The following TMEM266 variants were observed in gnomAD, a reference collection of about 807,000 sequenced individuals.
TMEM266 encodes Hv1 related protein 1.
In TMEM266, 33 loss-of-function variants were observed where a neutral mutation model predicts 50.5. The observed-to-expected ratio is 0.65, with a 90% confidence interval of 0.50 to 0.87. The LOEUF (loss-of-function observed/expected upper bound fraction) is 0.87. TMEM266 is among the 40% of genes least tolerant of loss of function. TMEM266 has a pLI of 0.00. For synonymous variants in TMEM266, 310 were observed against 292.3 expected (o/e 1.06, Z -0.62); for missense variants, 655 against 695.1 (o/e 0.94, Z 0.65).
chr15:76,075,527 G>A (rs1019691604), intron 1 of TMEM266, among the ~76,000 whole-genome samples: 1 of 152,136 alleles, frequency 6.6e-6, no homozygotes, highest in African/African-American at 2.4e-5. Context: ...ACCAGGGTCT[G>A]TGTCAACTTA....
rs538944843 is a variant in TMEM266 at position 76,118,381 on chromosome 15, G to A, written c.-96-15787G>A. ...GTTTGAGACCAGCCTGTCCAACATG[G>A]TAAAACCCCGTCTCTACTAAAAACA... On this transcript the variant is annotated intron_variant, in intron 1 of 10. Transcript: ENST00000388942. Among the ~76,000 whole-genome samples the A allele has an allele frequency of 5.9e-5, 9 of 152,286 alleles. No homozygotes were observed. The South Asian group carries it at 1.5e-3, about 25-fold the overall frequency.
At chr15:76,183,449 C>T (rs1273603677) in intron 8 of TMEM266, among the ~76,000 whole-genome samples, 5 of 152,122 alleles carry the variant, frequency 3.3e-5, no homozygotes, top group Non-Finnish European at 7.4e-5. Flanking sequence ...GGAGTCTTCT[C>T]CAGTCAGTGG....
Position 76,134,274 on chromosome 15 carries a change from C to T in TMEM266, c.11C>T (p.Ala4Val). Residue 4 changes from alanine to valine, a missense_variant, in exon 2 of 11, where the codon GCT (alanine) becomes GTT (valine). This residue lies in a region of TMEM266 where 99 missense variants were observed against 110.8 expected (regional missense o/e 0.89). Transcript: ENST00000388942. The stretch of plus-strand genomic sequence containing the variant: ...ACACCAAGAAAACCCATGGCTGTGG[C>T]TCCATCTTTCAACATGACCAATCCA... 2 of 1,614,102 alleles carry T rather than the reference C, an allele frequency of 1.2e-6. No individual in the cohort carries two copies. Among genetic ancestry groups the T allele is most frequent in the African/African-American group, 2.7e-5 (2 of 75,034 alleles).
intron 8 of TMEM266, among the ~76,000 whole-genome samples, chr15:76,188,372 A>C (rs2038519401): frequency 6.6e-6 from 1 of 152,178 alleles, no homozygotes; most frequent in African/African-American, 2.4e-5. Flanking sequence ...CATCAGATTG[A>C]GGCAGGCAGA....
chr15:76,108,166 C>T (rs1468114434), intron 1 of TMEM266, among the ~76,000 whole-genome samples: 2 of 152,244 alleles, frequency 1.3e-5, no homozygotes, highest in African/African-American at 4.8e-5. Flanking sequence ...GTCGTGACAA[C>T]TTGAGCCATT....
Position 76,191,990 on chromosome 15 carries a change from CGCACCTGGCGCA to C in TMEM266, c.795_806del (p.His265_Gln268del), listed in dbSNP as rs779430237. On this transcript the variant is annotated inframe_deletion, in exon 9 of 11. Coordinates refer to ENST00000388942, the MANE Select transcript of TMEM266 (RefSeq NM_152335.3). ...CAGTTTGAGATCCGGCAGCTGCGCG[CGCACCTGGCGCA>C]GCAGGACCTGGACCTGGCTGCCGAG... is the stretch of plus-strand genomic sequence containing the variant. 6.3e-7 allele frequency: 1 copy of C among 1,583,332 alleles called. No individual in the cohort carries two copies. The highest frequency in any genetic ancestry group is 8.5e-7 in the Non-Finnish European group (1 of 1,169,602).
intron 1 of TMEM266, among the ~76,000 whole-genome samples, chr15:76,127,027 A>G (rs2037434385): frequency 6.6e-6 from 1 of 152,150 alleles, no homozygotes. Context: ...ATGGTTAATA[A>G]TAACCACCAT....
At chr15:76,069,794 G>C (rs2036507939) in intron 1 of TMEM266, among the ~76,000 whole-genome samples, 1 of 151,836 alleles carries the variant, frequency 6.6e-6, no homozygotes, top group Admixed American at 6.6e-5. Flanking sequence ...CTCCAGCCTG[G>C]GCAGCCGAGT....
chr15:76,158,278 G>C (rs895648959), intron 4 of TMEM266, among the ~76,000 whole-genome samples: 1 of 152,138 alleles, frequency 6.6e-6, no homozygotes, highest in South Asian at 2.1e-4. Flanking sequence ...AGCCTAGTTG[G>C]GTTTTATGCA....
At chr15:76,154,501 G>A (rs767051768) in intron 3 of TMEM266, among the ~76,000 whole-genome samples, 23 of 152,040 alleles carry the variant, frequency 1.5e-4, no homozygotes, top group Non-Finnish European at 3.2e-4. Flanking sequence ...TTCTCCTCCT[G>A]TTTTCTGCTT....
intron 1 of TMEM266, among the ~76,000 whole-genome samples, chr15:76,084,026 G>C (rs1324804922): frequency 6.6e-6 from 1 of 152,184 alleles, no homozygotes; most frequent in Non-Finnish European, 1.5e-5. Context: ...AAGATGAGCA[G>C]CCGGGCGTGT....
At position 76,168,922 on chromosome 15, in the gene TMEM266, T is replaced by G. The variant is rs28647796; in HGVS notation, c.457-894T>G. Among the ~76,000 whole-genome samples, 3,774 of 152,336 alleles carry G rather than the reference T, an allele frequency of 0.025. 158 individuals carry two copies. The highest frequency in any genetic ancestry group is 0.087 in the African/African-American group (3,599 of 41,572). On this transcript the variant is annotated intron_variant, in intron 5 of 10. Coordinates refer to ENST00000388942, the MANE Select transcript of TMEM266 (RefSeq NM_152335.3). This position sits in a 1 kb window ranked among gnomAD's most constrained non-coding sequence, Gnocchi z 4.4. The stretch of plus-strand genomic sequence containing the variant: ...ACAGGAAGGGGAAAGCCCTGCTGGC[T>G]TAGGCACAGGCCAAGCTGCTGTTAC...
At chr15:76,064,017 G>A (rs1445905742) in intron 1 of TMEM266, among the ~76,000 whole-genome samples, 3 of 152,196 alleles carry the variant, frequency 2.0e-5, no homozygotes, top group South Asian at 2.1e-4. Context: ...CAAATGGTAC[G>A]TGGGGAGATG....
chr15:76,103,939 G>A (rs2142005442), intron 1 of TMEM266, among the ~76,000 whole-genome samples: 1 of 151,798 alleles, frequency 6.6e-6, no homozygotes. Context: ...CAGGGGCAGT[G>A]GCTCAGGCCT....
chr15:76,192,870 G>A (rs1434256283), intron 9 of TMEM266, among the ~76,000 whole-genome samples: 1 of 152,234 alleles, frequency 6.6e-6, no homozygotes, highest in Admixed American at 6.5e-5. Context: ...AGGCTCAGAG[G>A]TTTCGGGAAT....
intron 1 of TMEM266, among the ~76,000 whole-genome samples, chr15:76,133,447 A>G (rs1375484617): frequency 6.6e-6 from 1 of 152,222 alleles, no homozygotes; most frequent in Non-Finnish European, 1.5e-5. Context: ...AAAAAAATAA[A>G]TAAATAAAAT....
chr15:76,069,119 G>C (rs2036493123), intron 1 of TMEM266, among the ~76,000 whole-genome samples: 1 of 152,156 alleles, frequency 6.6e-6, no homozygotes, highest in South Asian at 2.1e-4. Context: ...AAAAAAGATA[G>C]TTTAAGTTTT....
Position 76,192,129 on chromosome 15 carries a change from C to T in TMEM266, c.930C>T (p.Ser310=). Residue 310 remains serine, a synonymous_variant, in exon 9 of 11, where the codon AGC becomes AGT. Transcript: ENST00000388942. Reference sequence around the variant, plus strand: ...GGGACGAGGAGACGGCGGCCGAGAGCGTCGTGGAGGAGCTGCAGCCCTCGC... The same window carrying T: ...GGGACGAGGAGACGGCGGCCGAGAGTGTCGTGGAGGAGCTGCAGCCCTCGC... ...AESVVEELQP[S]QEATMKDDMN... 7.1e-7 allele frequency: 1 copy of T among 1,409,624 alleles called. No homozygotes were observed. Among genetic ancestry groups the T allele is most frequent in the Non-Finnish European group, 9.2e-7 (1 of 1,083,306 alleles). The allele number at this position is 1,409,624 out of a possible 1,614,324, so 87.3% of individuals were successfully genotyped here.
At chr15:76,098,108 A>G (rs2036948686) in intron 1 of TMEM266, among the ~76,000 whole-genome samples, 1 of 152,048 alleles carries the variant, frequency 6.6e-6, no homozygotes, top group African/African-American at 2.4e-5. Flanking sequence ...CTGTCAATTC[A>G]TCAAACTCAT....
Sources: gnomAD v4.1 joint callset for allele counts (sites outside exome capture counted in the v4.1 genomes callset) on GRCh38, gnomAD v4.1.1 for gene constraint, gnomAD v4.1.1 regional missense constraint, Gnocchi (gnomAD v3.1) non-coding constraint, MANE v1.5 for transcripts, NCBI Gene and HGNC (gene_info 2026-07-23, HGNC 2026-07-21) for gene names.